The following JMJD1C variants were observed in gnomAD, a reference collection of about 807,000 sequenced individuals.
JMJD1C encodes jumonji domain-containing protein 1C.
JMJD1C carries 31 observed loss-of-function variants against 245.3 expected under a neutral mutation model. That is an observed-to-expected ratio of 0.13 (90% CI 0.09 to 0.17). The LOEUF (loss-of-function observed/expected upper bound fraction) is 0.17, where lower values mean the gene tolerates loss of function less well. Ranked by LOEUF, JMJD1C falls within the 10% of genes least tolerant of loss-of-function variation. The probability of loss-of-function intolerance (pLI) is 1.00; values close to 1 mark genes in which losing one functional copy is unlikely to be tolerated. For missense variants in JMJD1C, 2,691 were observed against 3,000.2 expected (o/e 0.90, Z 2.41); for synonymous variants, 1,057 against 1,017.4 (o/e 1.04, Z -0.74).
intron 1 of JMJD1C, among the ~76,000 whole-genome samples, chr10:63,447,735 G>A (rs924409339): frequency 1.3e-5 from 2 of 151,782 alleles, no homozygotes; most frequent in Non-Finnish European, 2.9e-5. Context: ...GTTGCAGTAT[G>A]TCAACCATAG....
chr10:63,295,740 T>G (rs1859299537), intron 2 of JMJD1C, among the ~76,000 whole-genome samples: 1 of 151,988 alleles, frequency 6.6e-6, no homozygotes, highest in Non-Finnish European at 1.5e-5. Context: ...TAAAGCCCCT[T>G]TAAACAATGA....
At chr10:63,350,195 G>C (rs1944228949) in intron 2 of JMJD1C, among the ~76,000 whole-genome samples, 1 of 152,182 alleles carries the variant, frequency 6.6e-6, no homozygotes, top group Non-Finnish European at 1.5e-5. Flanking sequence ...TGACTCATGA[G>C]ATAAGTGACT....
chr10:63,330,005 A>G (rs1457919934), intron 2 of JMJD1C, among the ~76,000 whole-genome samples: 1 of 152,202 alleles, frequency 6.6e-6, no homozygotes, highest in Admixed American at 6.5e-5. Context: ...GGTTCAAGAG[A>G]TTCTCGTGTC....
At chr10:63,292,439 C>G (rs866877281) in intron 2 of JMJD1C, among the ~76,000 whole-genome samples, 83 of 151,224 alleles carry the variant, frequency 5.5e-4, no homozygotes, top group African/African-American at 1.8e-3. Context: ...GGCGAAACCC[C>G]GTCTCTAGTA....
At chr10:63,350,771 C>T (rs1368802252) in intron 2 of JMJD1C, among the ~76,000 whole-genome samples, 1 of 151,908 alleles carries the variant, frequency 6.6e-6, no homozygotes, top group East Asian at 1.9e-4. Context: ...CGCCCGCCAC[C>T]GTGCCCAGCT....
intron 1 of JMJD1C, among the ~76,000 whole-genome samples, chr10:63,385,715 G>A (rs1947541643): frequency 6.6e-6 from 1 of 151,630 alleles, no homozygotes; most frequent in Non-Finnish European, 1.5e-5. Flanking sequence ...CGAGTAACTG[G>A]GATTACAGGT....
At chr10:63,308,956 G>T (rs1938718756) in intron 2 of JMJD1C, among the ~76,000 whole-genome samples, 1 of 152,132 alleles carries the variant, frequency 6.6e-6, no homozygotes, top group African/African-American at 2.4e-5. Context: ...CTTTTAGAAA[G>T]AAAAAGTGAC....
intron 1 of JMJD1C, among the ~76,000 whole-genome samples, chr10:63,411,725 C>G (rs1338738787): frequency 6.6e-6 from 1 of 151,648 alleles, no homozygotes; most frequent in Admixed American, 6.6e-5. Context: ...GCCTCAGCCT[C>G]CTAAGTAGCT....
chr10:63,230,860 G>A (rs1310330649), intron 3 of JMJD1C, among the ~76,000 whole-genome samples: 2 of 151,836 alleles, frequency 1.3e-5, no homozygotes, highest in South Asian at 2.1e-4. Context: ...GAGAAAGGAG[G>A]CTTTCTACCA....
chr10:63,495,338 C>T (rs565712585), intron 1 of JMJD1C, among the ~76,000 whole-genome samples: 2 of 151,802 alleles, frequency 1.3e-5, no homozygotes, highest in South Asian at 4.1e-4. Flanking sequence ...GAGACTTTCA[C>T]TGGCCAATGT....
intron 2 of JMJD1C, among the ~76,000 whole-genome samples, chr10:63,282,093 C>T (rs182265491): frequency 2.0e-5 from 3 of 152,236 alleles, no homozygotes; most frequent in African/African-American, 7.2e-5. Flanking sequence ...GAATAAGACA[C>T]CTTTTTTGCA....
At chr10:63,374,027 C>G (rs1488309124) in intron 2 of JMJD1C, among the ~76,000 whole-genome samples, 1 of 152,156 alleles carries the variant, frequency 6.6e-6, no homozygotes, top group Non-Finnish European at 1.5e-5. Context: ...GGCAAGCACA[C>G]ATAACCTGAC....
At chr10:63,427,741 G>T in intron 1 of JMJD1C, 1 of 1,378,064 alleles carries the variant, frequency 7.3e-7, no homozygotes, top group Non-Finnish European at 1.0e-6. Flanking sequence ...ATTTGGTCTT[G>T]CCCAGTTCAA....
At chr10:63,471,536 ATT>A (rs1953492417) in intron 1 of JMJD1C, among the ~76,000 whole-genome samples, 1 of 152,240 alleles carries the variant, frequency 6.6e-6, no homozygotes, top group Non-Finnish European at 1.5e-5. Context: ...CAAAACAAAT[ATT>A]GTTAGAAAGA....
chr10:63,465,824 G>A lies in JMJD1C; in HGVS notation c.-162C>T. On this transcript the variant is annotated 5_prime_UTR_variant, in exon 1 of 26. Coordinates refer to ENST00000399262, the MANE Select transcript of JMJD1C (RefSeq NM_032776.3). The stretch of plus-strand genomic sequence containing the variant: ...AACCGGCCGCTCTGCCCCGGACACA[G>A]CGACCTCGGGCCCTCCCCGCAAACA... 2.5e-6 allele frequency: 2 copies of A among 787,634 alleles called. No homozygotes were observed. The highest frequency in any genetic ancestry group is 2.9e-5 in the South Asian group (2 of 68,470). 48.8% of individuals were successfully genotyped at this position (787,634 alleles called of 1,614,324 possible). A position where few individuals can be genotyped will look rare whatever the true frequency, so the allele number is the denominator to read the frequency against.
chr10:63,327,565 G>A (rs148663430), intron 2 of JMJD1C, among the ~76,000 whole-genome samples: 5 of 152,252 alleles, frequency 3.3e-5, no homozygotes, highest in East Asian at 1.9e-4. Context: ...ACAAAGTTAC[G>A]AGAAGATGTA....
At chr10:63,210,455 A>T (rs1383248310) in intron 8 of JMJD1C, among the ~76,000 whole-genome samples, 1 of 152,194 alleles carries the variant, frequency 6.6e-6, no homozygotes, top group Non-Finnish European at 1.5e-5. Flanking sequence ...TGACCAGTTA[A>T]TAAAATATTT....
chr10:63,372,624 C>G (rs183808783), intron 2 of JMJD1C, among the ~76,000 whole-genome samples: 12 of 152,210 alleles, frequency 7.9e-5, no homozygotes, highest in African/African-American at 2.2e-4. Flanking sequence ...TTCTTTTTCA[C>G]TAGCTGGGTT....
At chr10:63,335,126 A>G (rs138990913) in intron 2 of JMJD1C, among the ~76,000 whole-genome samples, 10 of 152,226 alleles carry the variant, frequency 6.6e-5, no homozygotes, top group African/African-American at 2.4e-4. Flanking sequence ...CTCACAGGTA[A>G]TAAGGTCAGA....
Sources: allele counts gnomAD v4.1 joint callset (sites outside exome capture counted in the v4.1 genomes callset), GRCh38; gene constraint gnomAD v4.1.1; transcripts MANE v1.5; gene names NCBI Gene and HGNC (gene_info 2026-07-23, HGNC 2026-07-21).